AP3S2: variants seen among roughly 807,000 people sequenced by gnomAD.
The protein encoded by AP3S2 is AP-3 complex subunit sigma-2.
Under a neutral mutation model 23.4 loss-of-function variants are expected in AP3S2, and 22 were observed. The observed-to-expected ratio is 0.94, with a 90% CI of 0.67 to 1.34. AP3S2 has a LOEUF of 1.34. Ranked by LOEUF, AP3S2 falls within the 40% of genes most tolerant of loss-of-function variation. The pLI, the probability that AP3S2 is intolerant of heterozygous loss-of-function variation, is 0.00. For missense variants in AP3S2, 241 were observed against 236.9 expected (o/e 1.02, Z -0.11); for synonymous variants, 86 against 87.1 (o/e 0.99, Z 0.07).
intron 4 of AP3S2, among the ~76,000 whole-genome samples, chr15:89,855,517 T>G (rs1459794398): frequency 7.9e-6 from 1 of 125,832 alleles, no homozygotes; most frequent in African/African-American, 3.0e-5. Context: ...ACCCAAGAAT[T>G]ATCAATAAAA....
intron 3 of AP3S2, 67 bp downstream of exon 3, chr15:89,888,454 G>T: frequency 1.3e-6 from 2 of 1,484,404 alleles, no homozygotes; most frequent in Non-Finnish European, 1.9e-6. Context: ...GGTTCTACAG[G>T]CTGGTTACTC....
At chr15:89,880,185 CA>C (rs1424619892) in intron 3 of AP3S2, among the ~76,000 whole-genome samples, 1 of 151,760 alleles carries the variant, frequency 6.6e-6, no homozygotes, top group Non-Finnish European at 1.5e-5. Context: ...ATGTAAGATT[CA>C]AAAGAAGAAA....
intron 4 of AP3S2, among the ~76,000 whole-genome samples, chr15:89,856,043 T>C (rs1000498024): frequency 4.6e-5 from 7 of 150,978 alleles, no homozygotes; most frequent in Admixed American, 2.0e-4. Flanking sequence ...TTTAAGAGGG[T>C]TGCATAAATT....
At chr15:89,861,383 A>G (rs567583280) in intron 4 of AP3S2, among the ~76,000 whole-genome samples, 4 of 152,224 alleles carry the variant, frequency 2.6e-5, no homozygotes, top group South Asian at 4.1e-4. Flanking sequence ...AAATCTTGAA[A>G]GCCCAATTGA....
chr15:89,880,360 G>A (rs1442529955), intron 3 of AP3S2, among the ~76,000 whole-genome samples: 8 of 152,084 alleles, frequency 5.3e-5, no homozygotes, highest in Non-Finnish European at 1.2e-4. Context: ...CCACAAAGGG[G>A]AAATAACTAG....
chr15:89,858,527 AAGAAAGAAAGAAAG>A (rs1567178814), intron 4 of AP3S2, among the ~76,000 whole-genome samples: 1 of 40,252 alleles, frequency 2.5e-5, no homozygotes, highest in African/African-American at 7.5e-5. Flanking sequence ...GAGAGAGAGA[AAGAAAGAAAGAAAG>A]AAAGAAAGAA....
Position 89,832,962 on chromosome 15 carries a change from C to T in AP3S2, c.*2553G>A, listed in dbSNP as rs1596181714. On this transcript the variant is annotated 3_prime_UTR_variant, in exon 6 of 6. Coordinates refer to ENST00000336418, the MANE Select transcript of AP3S2 (RefSeq NM_005829.5). Reference sequence around the variant, plus strand: ...TTCAGTTTTATGTCATTGTAAGAGGCCATGTGAGGGATGTTTGGATGCTCG... The same window carrying T: ...TTCAGTTTTATGTCATTGTAAGAGGTCATGTGAGGGATGTTTGGATGCTCG... 1 of 152,264 alleles carries T rather than the reference C, an allele frequency of 6.6e-6. No individual in the cohort carries two copies. Among genetic ancestry groups the T allele is most frequent in the African/African-American group, 2.4e-5 (1 of 41,552 alleles). The allele number at this position is 152,264 out of a possible 1,614,324, so 9.4% of individuals were successfully genotyped here.
intron 4 of AP3S2, among the ~76,000 whole-genome samples, chr15:89,851,896 A>T (rs1397472594): frequency 6.6e-6 from 1 of 152,030 alleles, no homozygotes; most frequent in Non-Finnish European, 1.5e-5. Flanking sequence ...TGCTGATCCC[A>T]AATGCCAAGC....
chr15:89,837,614 C>T lies in AP3S2; in HGVS notation c.453+1G>A. 2 of 1,614,150 alleles carry T rather than the reference C, an allele frequency of 1.2e-6. No homozygotes were observed. Among genetic ancestry groups the T allele is most frequent in the Non-Finnish European group, 1.7e-6 (2 of 1,180,006 alleles). ...GGGCTAGAGCACAGCTGCTTACTCA[C>T]CTCGGATTTCTCCAGCCTGTTTTGA... is the stretch of plus-strand genomic sequence containing the variant. On this transcript the variant is annotated splice_donor_variant, in intron 5 of 5. Coordinates refer to ENST00000336418, the MANE Select transcript of AP3S2 (RefSeq NM_005829.5). LOFTEE classifies it high-confidence loss of function.
In AP3S2 at chr15:89,888,442, A is replaced by T. The variant is rs904882027; in HGVS notation, c.273+79T>A. On this transcript the variant is annotated intron_variant, in intron 3 of 5. Transcript: ENST00000336418. ...CTAGTATCAATAAGGAGATGGACAC[A>T]AGGTTCTACAGGCTGGTTACTCAAA... 5 of 1,394,026 alleles carry T rather than the reference A, an allele frequency of 3.6e-6. 1 individual carries two copies. The highest frequency in any genetic ancestry group is 1.8e-5 in the Admixed American group (1 of 54,490). The allele number at this position is 1,394,026 out of a possible 1,614,324, so 86.4% of individuals were successfully genotyped here.
intron 4 of AP3S2, chr15:89,852,293 C>G (rs1166264638): frequency 6.6e-6 from 1 of 152,196 alleles, no homozygotes; most frequent in African/African-American, 2.4e-5. Flanking sequence ...CTATTACGTG[C>G]CTAGTTCTTA....
chr15:89,862,771 T>C (rs752917051), intron 4 of AP3S2, among the ~76,000 whole-genome samples: 81 of 152,268 alleles, frequency 5.3e-4, no homozygotes, highest in Non-Finnish European at 5.6e-4. Flanking sequence ...GAAATTTAGA[T>C]GTGAGAATGA....
intron 4 of AP3S2, among the ~76,000 whole-genome samples, chr15:89,871,117 A>G (rs1427597426): frequency 1.3e-5 from 2 of 152,196 alleles, no homozygotes; most frequent in African/African-American, 4.8e-5. Context: ...CCAAAGTTTC[A>G]TTGTCACTGG....
intron 3 of AP3S2, among the ~76,000 whole-genome samples, chr15:89,874,189 T>C (rs1234615213): frequency 6.6e-6 from 1 of 152,128 alleles, no homozygotes; most frequent in Non-Finnish European, 1.5e-5. Context: ...AGTTGCTTTT[T>C]ATTGTTTGTT....
At position 89,858,538 on chromosome 15, in the gene AP3S2, AAAG is replaced by A. The variant is rs1895920610; in HGVS notation, c.345+12934_345+12936del. On this transcript the variant is annotated intron_variant, in intron 4 of 5. Transcript: ENST00000336418. ...GAGAGAGAGAGAGAAAGAAAGAAAG[AAAG>A]AAAGAAAGAAAGAAAGAAAGAGAAA... 5.4e-5 allele frequency among the ~76,000 whole-genome samples: 3 copies of A among 55,056 alleles called. No homozygotes were observed. In the South Asian group the frequency reaches 1.4e-3, roughly 25 times the overall value. 36.1% of individuals were successfully genotyped at this position (55,056 alleles called of 152,430 possible).
Position 89,837,729 on chromosome 15 carries a change from G to C in AP3S2, c.346-7C>G, listed in dbSNP as rs750130531. The C allele has an allele frequency of 5.6e-6, 9 of 1,613,034 alleles. No individual in the cohort carries two copies. Among genetic ancestry groups the C allele is most frequent in the South Asian group, 2.2e-5 (2 of 90,976 alleles). ...CCTGGAGGATGTAGTGCACCTAAAA[G>C]GGAAGCAAAAATCAGGAGTCAGAAT... On this transcript the variant is annotated splice_polypyrimidine_tract_variant and splice_region_variant and intron_variant, in intron 4 of 5. Transcript: ENST00000336418.
intron 1 of AP3S2, among the ~76,000 whole-genome samples, chr15:89,892,027 G>T (rs891598924): frequency 6.6e-6 from 1 of 152,090 alleles, no homozygotes; most frequent in Non-Finnish European, 1.5e-5. Flanking sequence ...TCCATATAAT[G>T]GAATATTATT....
chr15:89,831,575 A>C lies in AP3S2; in HGVS notation c.*3940T>G, dbSNP rs773256005. On this transcript the variant is annotated 3_prime_UTR_variant, in exon 6 of 6. Transcript: ENST00000336418. Reference sequence around the variant, plus strand: ...ACAGACAGCCACGCTGAAAGCCCTTACTAGAGACTGGTCCACAAGATCAGA... The same window carrying C: ...ACAGACAGCCACGCTGAAAGCCCTTCCTAGAGACTGGTCCACAAGATCAGA... The C allele has an allele frequency of 1.3e-5, 2 of 152,296 alleles. No homozygotes were observed. The highest frequency in any genetic ancestry group is 4.8e-5 in the African/African-American group (2 of 41,462). The allele number at this position is 152,296 out of a possible 1,614,324, so 9.4% of individuals were successfully genotyped here.
chr15:89,846,082 T>C (rs1422783963), intron 4 of AP3S2, among the ~76,000 whole-genome samples: 1 of 152,134 alleles, frequency 6.6e-6, no homozygotes, highest in Non-Finnish European at 1.5e-5. Flanking sequence ...ATAGAGAAAA[T>C]GCTTCGGGTG....
Sources: allele counts gnomAD v4.1 joint callset (sites outside exome capture counted in the v4.1 genomes callset), GRCh38; gene constraint gnomAD v4.1.1; transcripts MANE v1.5; gene names NCBI Gene and HGNC (gene_info 2026-07-23, HGNC 2026-07-21).